NRXN3: variants seen among roughly 807,000 people sequenced by gnomAD.
NRXN3 encodes neurexin III.
NRXN3 carries 32 observed loss-of-function variants against 137.6 expected under a neutral mutation model. That is an observed-to-expected ratio of 0.23 (90% CI 0.18 to 0.31). NRXN3 has a LOEUF of 0.31. Ranked by LOEUF, NRXN3 falls within the 10% of genes least tolerant of loss-of-function variation. The pLI is 1.00. For missense variants in NRXN3, 1,574 were observed against 2,062.5 expected (o/e 0.76, Z 4.59); for synonymous variants, 798 against 784.5 (o/e 1.02, Z -0.29).
rs1012380930 is a variant in NRXN3 at position 78,877,924 on chromosome 14, G to C, written c.2275+67580G>C. 3.3e-5 allele frequency among the ~76,000 whole-genome samples: 5 copies of C among 152,220 alleles called. No individual in the cohort carries two copies. In the East Asian group the frequency reaches 9.6e-4, roughly 29 times the overall value. ...ATCCCATAGAGGTTGCAGTTTGTAA[G>C]TAATAAGAAATAAGGAAATAATTCC... On this transcript the variant is annotated intron_variant, in intron 10 of 20. Coordinates refer to ENST00000335750, the MANE Select transcript of NRXN3 (RefSeq NM_001330195.2).
At chr14:79,354,030 C>G (rs1400470807) in intron 15 of NRXN3, among the ~76,000 whole-genome samples, 1 of 152,110 alleles carries the variant, frequency 6.6e-6, no homozygotes, top group Non-Finnish European at 1.5e-5. Flanking sequence ...TGTCAACACT[C>G]AGGCTGATTA....
chr14:78,457,607 G>A (rs2094785317), intron 4 of NRXN3, among the ~76,000 whole-genome samples: 2 of 152,154 alleles, frequency 1.3e-5, no homozygotes. Context: ...TGAGAATTAG[G>A]ATTGTTAAGT....
intron 10 of NRXN3, among the ~76,000 whole-genome samples, chr14:78,917,344 A>G (rs2099258131): frequency 6.6e-6 from 1 of 152,200 alleles, no homozygotes; most frequent in South Asian, 2.1e-4. Context: ...GAGCAGAAAA[A>G]ATAACTATTG....
intron 15 of NRXN3, among the ~76,000 whole-genome samples, chr14:79,127,980 CTGT>C (rs1463575680): frequency 1.3e-5 from 2 of 150,140 alleles, no homozygotes; most frequent in African/African-American, 2.4e-5. Flanking sequence ...CTCTGTTTGT[CTGT>C]TGTTGGTGTA....
chr14:78,885,999 G>T (rs1446909065), intron 10 of NRXN3, among the ~76,000 whole-genome samples: 1 of 152,042 alleles, frequency 6.6e-6, no homozygotes, highest in African/African-American at 2.4e-5. Flanking sequence ...CTTCCAAGAT[G>T]GTTCTAGCCA....
intron 15 of NRXN3, among the ~76,000 whole-genome samples, chr14:79,244,757 A>G (rs918794551): frequency 6.6e-6 from 1 of 152,066 alleles, no homozygotes; most frequent in Non-Finnish European, 1.5e-5. Context: ...TTATATAATT[A>G]TTTCAGTTAC....
chr14:79,603,957 G>A (rs2097960729), intron 16 of NRXN3, among the ~76,000 whole-genome samples: 1 of 151,976 alleles, frequency 6.6e-6, no homozygotes, highest in Non-Finnish European at 1.5e-5. Context: ...GCATGCTGTT[G>A]GCTCACTGCA....
intron 15 of NRXN3, among the ~76,000 whole-genome samples, chr14:79,392,969 CAAAAAAA>C (rs3036678): frequency 3.3e-5 from 2 of 60,696 alleles, no homozygotes; most frequent in East Asian, 5.1e-4. Context: ...GGCTCCATCT[CAAAAAAA>C]AAAAAAAAAA....
In NRXN3 at chr14:79,519,366, A is replaced by C. The variant is rs143626110; in HGVS notation, c.3444+51964A>C. Reference sequence around the variant, plus strand: ...TAATTTTTTTGTAACAGAAACTTTAAATATATTAATTTTACCACTTTTGCA... The same window carrying C: ...TAATTTTTTTGTAACAGAAACTTTACATATATTAATTTTACCACTTTTGCA... On this transcript the variant is annotated intron_variant, in intron 16 of 20. Coordinates refer to ENST00000335750, the MANE Select transcript of NRXN3 (RefSeq NM_001330195.2). 5.8e-3 allele frequency among the ~76,000 whole-genome samples: 882 copies of C among 152,174 alleles called. 1 individual carries two copies. Among genetic ancestry groups the C allele is most frequent in the Non-Finnish European group, 8.9e-3 (604 of 67,992 alleles).
chr14:79,362,721 C>G (rs1179830397), intron 15 of NRXN3, among the ~76,000 whole-genome samples: 1 of 152,200 alleles, frequency 6.6e-6, no homozygotes, highest in Non-Finnish European at 1.5e-5. Context: ...TACAAGTATA[C>G]AAGCAATGCC....
In NRXN3 at chr14:78,652,010, A is replaced by G. The variant is rs528419873; in HGVS notation, c.1221+684A>G. On this transcript the variant is annotated intron_variant, in intron 6 of 20. Coordinates refer to ENST00000335750, the MANE Select transcript of NRXN3 (RefSeq NM_001330195.2). ...AATGCAGTCACACAGGTGAAAGGCC[A>G]TTGAAATCACAAGGAACTAGATGAG... is the stretch of plus-strand genomic sequence containing the variant. Among the ~76,000 whole-genome samples, 4 of 152,374 alleles carry G rather than the reference A, an allele frequency of 2.6e-5. No individual in the cohort carries two copies. The South Asian group carries it at 8.3e-4, about 32-fold the overall frequency.
intron 19 of NRXN3, among the ~76,000 whole-genome samples, chr14:79,772,517 G>A (rs1449625371): frequency 1.3e-5 from 2 of 152,180 alleles, no homozygotes; most frequent in African/African-American, 4.8e-5. Flanking sequence ...AGAAAAACAA[G>A]TAATGGGGAA....
chr14:78,608,249 C>A (rs1228988620), intron 4 of NRXN3, among the ~76,000 whole-genome samples: 2 of 152,078 alleles, frequency 1.3e-5, no homozygotes, highest in African/African-American at 4.8e-5. Context: ...TGAAATGTTA[C>A]AACTTCCCAC....
chr14:79,125,928 C>T (rs754631222), intron 15 of NRXN3, among the ~76,000 whole-genome samples: 2 of 152,066 alleles, frequency 1.3e-5, no homozygotes, highest in Admixed American at 6.6e-5. Context: ...CAACTCCTTT[C>T]GTTAAAAGCA....
chr14:78,913,274 C>CTTTTTTTTTTTTTTTTTTT (rs1157942892), intron 10 of NRXN3, among the ~76,000 whole-genome samples: 7 of 47,852 alleles, frequency 1.5e-4, no homozygotes, highest in Non-Finnish European at 2.1e-4. Context: ...TTCTTTCTTT[C>CTTTTTTTTTTTTTTTTTTT]TTTTTTTTTT....
At chr14:79,755,150 G>C (rs924486296) in intron 19 of NRXN3, among the ~76,000 whole-genome samples, 1 of 152,022 alleles carries the variant, frequency 6.6e-6, no homozygotes, top group Non-Finnish European at 1.5e-5. Context: ...AAGTCAAGAT[G>C]ACCCATTTCT....
At chr14:79,362,105 G>C in intron 15 of NRXN3, among the ~76,000 whole-genome samples, 1 of 149,282 alleles carries the variant, frequency 6.7e-6, no homozygotes, top group South Asian at 2.1e-4. Context: ...GATTACAGGC[G>C]CGGGCCACCA....
At chr14:78,361,711 A>G (rs2085141343) in intron 4 of NRXN3, among the ~76,000 whole-genome samples, 1 of 152,224 alleles carries the variant, frequency 6.6e-6, no homozygotes, top group South Asian at 2.1e-4. Context: ...AACCTTTTCA[A>G]TACTTCATTA....
rs75871026 is a variant in NRXN3 at position 78,579,104 on chromosome 14, T to C, written c.758-66016T>C. 1.3e-3 allele frequency among the ~76,000 whole-genome samples: 192 copies of C among 152,270 alleles called. 3 individuals carry two copies. In the East Asian group the frequency reaches 0.033, roughly 27 times the overall value. On this transcript the variant is annotated intron_variant, in intron 4 of 20. Coordinates refer to ENST00000335750, the MANE Select transcript of NRXN3 (RefSeq NM_001330195.2). ...GACTCTAGGGACTCACGCTTGATCA[T>C]ACTAGGATTCAAGAACAACGCAGTT...
Sources: gnomAD v4.1 joint callset for allele counts (sites outside exome capture counted in the v4.1 genomes callset) on GRCh38, gnomAD v4.1.1 for gene constraint, MANE v1.5 for transcripts, NCBI Gene and HGNC (gene_info 2026-07-23, HGNC 2026-07-21) for gene names.